Variants in SYNPO2 observed in about 807,000 individuals in gnomAD.
SYNPO2 encodes the protein synaptopodin-2.
SYNPO2 carries 56 observed loss-of-function variants against 85.0 expected under a neutral mutation model. That is an observed-to-expected ratio of 0.66 (90% CI 0.53 to 0.82). SYNPO2 has a LOEUF of 0.82. Ranked by LOEUF, SYNPO2 falls within the 40% of genes least tolerant of loss-of-function variation. SYNPO2 has a pLI of 0.00. For synonymous variants in SYNPO2, 602 were observed against 591.1 expected, an observed-to-expected ratio of 1.02 and a Z score of -0.27; for missense variants, 1,575 against 1,534.2, an observed-to-expected ratio of 1.03 and a Z score of -0.44.
At chr4:118,851,878 A>AGGGCATAT (rs145244717) in intron 1 of SYNPO2, among the ~76,000 whole-genome samples, 71,729 of 151,572 alleles carry the variant, frequency 0.47, 18,207 homozygotes, top group African/African-American at 0.65. Flanking sequence ...GGTGGGGGAA[A>AGGGCATAT]GGGCATATTT....
chr4:118,986,701 A>G (rs1260648578), intron 1 of SYNPO2, among the ~76,000 whole-genome samples: 2 of 152,210 alleles, frequency 1.3e-5, no homozygotes, highest in Non-Finnish European at 2.9e-5. Context: ...CGCAGGGAGC[A>G]TAGACCTTTT....
intron 4 of SYNPO2, chr4:119,036,409 G>C: frequency 2.0e-6 from 2 of 985,324 alleles, no homozygotes; most frequent in Non-Finnish European, 2.4e-6. Flanking sequence ...GGACTCTGGG[G>C]GACACAAAGA....
At position 119,004,169 on chromosome 4, in the gene SYNPO2, A is replaced by C. The variant is rs148244718; in HGVS notation, c.106-19261A>C. ...TGTATTGTTTGTTTGGCTTTCTCTA[A>C]CTTAGGGTTCACTATTCCCAAGTCT... is the stretch of plus-strand genomic sequence containing the variant. On this transcript the variant is annotated intron_variant, in intron 1 of 4. Coordinates refer to ENST00000307142, the MANE Select transcript of SYNPO2 (RefSeq NM_133477.3). Among the ~76,000 whole-genome samples, 494 of 152,228 alleles carry C rather than the reference A, an allele frequency of 3.2e-3. 2 individuals are homozygous for C. The highest frequency in any genetic ancestry group is 0.011 in the African/African-American group (476 of 41,538).
intron 1 of SYNPO2, among the ~76,000 whole-genome samples, chr4:118,883,046 CCA>C (rs1358703957): frequency 6.6e-6 from 1 of 151,264 alleles, no homozygotes; most frequent in Non-Finnish European, 1.5e-5. Context: ...CAGGCATGAG[CCA>C]CCGCGCCCCG....
chr4:118,976,252 A>C (rs1247549007), intron 1 of SYNPO2, among the ~76,000 whole-genome samples: 1 of 151,856 alleles, frequency 6.6e-6, no homozygotes, highest in Non-Finnish European at 1.5e-5. Context: ...TCAGGAGTGA[A>C]GCTGCAGACC....
chr4:118,851,653 G>A (rs1170000844), intron 1 of SYNPO2, among the ~76,000 whole-genome samples: 2 of 152,198 alleles, frequency 1.3e-5, no homozygotes, highest in African/African-American at 4.8e-5. Flanking sequence ...GCATGTCAAT[G>A]TAAGTAACAT....
At chr4:118,972,301 G>A (rs536053065) in intron 1 of SYNPO2, among the ~76,000 whole-genome samples, 311 of 152,124 alleles carry the variant, frequency 2.0e-3, no homozygotes, top group Non-Finnish European at 3.5e-3. Flanking sequence ...AAAAATAGCC[G>A]GGTGTAGTGG....
At position 119,061,150 on chromosome 4, in the gene SYNPO2, T is replaced by G. The variant is rs140880479; in HGVS notation, c.*3216T>G. ...AATTGTGTTCTCTTGTTAAATAGAT[T>G]AACATTTCCACTTCTGTTTATCACA... is the stretch of plus-strand genomic sequence containing the variant. On this transcript the variant is annotated 3_prime_UTR_variant, in exon 5 of 5. Coordinates refer to ENST00000307142, the MANE Select transcript of SYNPO2 (RefSeq NM_133477.3). The G allele has an allele frequency of 6.6e-6, 1 of 152,288 alleles. No homozygotes were observed. Among genetic ancestry groups the G allele is most frequent in the Non-Finnish European group, 1.5e-5 (1 of 68,022 alleles). 9.4% of individuals were successfully genotyped at this position (152,288 alleles called of 1,614,324 possible). A position where few individuals can be genotyped will look rare whatever the true frequency, so the allele number is the denominator to read the frequency against.
chr4:118,877,199 C>T (rs1300440003), intron 1 of SYNPO2, among the ~76,000 whole-genome samples: 1 of 152,074 alleles, frequency 6.6e-6, no homozygotes, highest in Non-Finnish European at 1.5e-5. Flanking sequence ...CCCTTCCTTA[C>T]ACCATAAACA....
chr4:118,891,974 A>C (rs1173651727), intron 1 of SYNPO2, among the ~76,000 whole-genome samples: 1 of 152,208 alleles, frequency 6.6e-6, no homozygotes, highest in Non-Finnish European at 1.5e-5. Context: ...GTTTTTCATA[A>C]TTCTATATAG....
chr4:119,045,482 G>C (rs1738846024), intron 4 of SYNPO2, among the ~76,000 whole-genome samples: 1 of 151,994 alleles, frequency 6.6e-6, no homozygotes, highest in African/African-American at 2.4e-5. Context: ...ACTCCCACAA[G>C]GTCAAAAGAT....
chr4:118,853,635 G>A (rs1254778424), intron 1 of SYNPO2, among the ~76,000 whole-genome samples: 1 of 149,392 alleles, frequency 6.7e-6, no homozygotes, highest in African/African-American at 2.4e-5. Context: ...AGTCATAACT[G>A]GTAAAACAAT....
intron 1 of SYNPO2, among the ~76,000 whole-genome samples, chr4:118,920,455 C>T (rs980028114): frequency 2.0e-5 from 3 of 152,032 alleles, no homozygotes; most frequent in African/African-American, 4.8e-5. Flanking sequence ...CTAAGTGATT[C>T]GACTGTGCAC....
chr4:119,042,518 T>C (rs916652693), intron 4 of SYNPO2: 2 of 152,254 alleles, frequency 1.3e-5, no homozygotes, highest in Non-Finnish European at 2.9e-5. Flanking sequence ...CTAAACATTC[T>C]TATTTTGGGA....
chr4:118,871,215 A>G (rs761158979), intron 1 of SYNPO2, among the ~76,000 whole-genome samples: 8 of 152,048 alleles, frequency 5.3e-5, no homozygotes, highest in Non-Finnish European at 7.4e-5. Context: ...GGAGTAGCCA[A>G]CCTTCCTCTA....
chr4:118,993,103 G>A (rs1217883451), intron 1 of SYNPO2, among the ~76,000 whole-genome samples: 1 of 152,138 alleles, frequency 6.6e-6, no homozygotes, highest in African/African-American at 2.4e-5. Context: ...TTAGTCCTTG[G>A]AAAATAAAGC....
At chr4:118,991,999 A>G (rs1022926734) in intron 1 of SYNPO2, among the ~76,000 whole-genome samples, 1 of 152,188 alleles carries the variant, frequency 6.6e-6, no homozygotes, top group Non-Finnish European at 1.5e-5. Flanking sequence ...GCAAAGGTGT[A>G]GAGTCTTAAA....
chr4:118,926,347 T>A (rs972906301), intron 1 of SYNPO2, among the ~76,000 whole-genome samples: 5 of 152,130 alleles, frequency 3.3e-5, no homozygotes, highest in Non-Finnish European at 7.4e-5. Flanking sequence ...TTTTTATATA[T>A]GTATGGAGCT....
rs751444032 is a variant in SYNPO2 at position 119,057,536 on chromosome 4, A to T, written c.3388A>T (p.Thr1130Ser). Residue 1130 changes from threonine (T) to serine (S), a missense_variant, in exon 5 of 5, where the codon ACT (threonine) becomes TCT (serine). This residue lies in a region of SYNPO2 where 1,508 missense variants were observed against 1,446.8 expected (regional missense o/e 1.04). Transcript: ENST00000307142. ...ACTAGAGAAAGCAAACAAGAGACCA[A>T]CTCCTTGGGAAGCAGCAGCAAAGTC... ...DGLEKANKRP[T>S]PWEAAAKSPL... 1.2e-6 allele frequency: 2 copies of T among 1,613,804 alleles called. No individual in the cohort carries two copies. The highest frequency in any genetic ancestry group is 1.1e-5 in the South Asian group (1 of 91,034).
Sources: gnomAD v4.1 joint callset for allele counts (sites outside exome capture counted in the v4.1 genomes callset) on GRCh38, gnomAD v4.1.1 for gene constraint, gnomAD v4.1.1 regional missense constraint, MANE v1.5 for transcripts, NCBI Gene and HGNC (gene_info 2026-07-23, HGNC 2026-07-21) for gene names.